MYO18A: variants seen among roughly 807,000 people sequenced by gnomAD.
The protein encoded by MYO18A is unconventional myosin-XVIIIa.
A neutral mutation model predicts 235.8 loss-of-function variants in MYO18A; 78 were observed. That is an observed-to-expected ratio of 0.33 (90% CI 0.28 to 0.40). MYO18A has a LOEUF of 0.40. Ranked by LOEUF, MYO18A falls within the 10% of genes least tolerant of loss-of-function variation. The pLI is 1.00. For missense variants in MYO18A, 2,215 were observed against 2,699.3 expected (o/e 0.82, Z 3.98); for synonymous variants, 977 against 1,077.8 (o/e 0.91, Z 1.83).
intron 2 of MYO18A, among the ~76,000 whole-genome samples, chr17:29,160,405 C>G (rs2068147416): frequency 6.6e-6 from 1 of 152,180 alleles, no homozygotes; most frequent in South Asian, 2.1e-4. Flanking sequence ...CCCCCCACTT[C>G]CCCCAGGCAG....
At chr17:29,090,682 G>A in intron 35 of MYO18A, 67 bp from the exon 36 acceptor site, 1 of 1,559,708 alleles carries the variant, frequency 6.4e-7, no homozygotes, top group South Asian at 1.1e-5. Context: ...CAGCCCAGCT[G>A]GAACACCAGG....
chr17:29,091,080 G>A (rs2066387576), intron 34 of MYO18A, 154 bp from the exon 35 acceptor site: 3 of 627,550 alleles, frequency 4.8e-6, no homozygotes, highest in African/African-American at 3.7e-5. Flanking sequence ...TCAAGGAGCT[G>A]CCTGTCCCGC....
At chr17:29,122,016 G>A in intron 3 of MYO18A, 59 bp from the exon 4 acceptor site, 2 of 1,569,984 alleles carry the variant, frequency 1.3e-6, no homozygotes, top group South Asian at 2.2e-5. Flanking sequence ...ACTCCACTTG[G>A]GAACTTCTCG....
intron 1 of MYO18A, among the ~76,000 whole-genome samples, chr17:29,173,292 A>G (rs562926400): frequency 1.3e-4 from 20 of 151,212 alleles, no homozygotes; most frequent in African/African-American, 4.6e-4. Context: ...GGGTTTCTCC[A>G]TGTTGGTCAG....
chr17:29,093,196 G>A (rs930038539), intron 32 of MYO18A, 127 bp downstream of exon 32: 10 of 1,084,138 alleles, frequency 9.2e-6, no homozygotes, highest in Admixed American at 2.1e-5. Flanking sequence ...AAGGGATGAC[G>A]ATGGGCTCTT....
chr17:29,170,617 G>A (rs1328476826), intron 1 of MYO18A, among the ~76,000 whole-genome samples: 2 of 151,974 alleles, frequency 1.3e-5, no homozygotes, highest in African/African-American at 2.4e-5. Flanking sequence ...CCTTTTCTGC[G>A]TTTCTCTCCT....
rs569563314 is a variant in MYO18A at position 29,106,554 on chromosome 17, T to C, written c.3441+526A>G. On this transcript the variant is annotated intron_variant, in intron 20 of 41. Coordinates refer to ENST00000527372, the MANE Select transcript of MYO18A (RefSeq NM_078471.4). This position sits in a 1 kb window ranked among gnomAD's most constrained non-coding sequence, Gnocchi z 4.6. The stretch of plus-strand genomic sequence containing the variant: ...GGAGCCCTGTGACTGTCTAAGGGGC[T>C]GCCTCTGGGGCTCAAGGTGATAGCC... Among the ~76,000 whole-genome samples the C allele has an allele frequency of 6.6e-6, 1 of 152,328 alleles. No individual in the cohort carries two copies. Among genetic ancestry groups the C allele is most frequent in the Non-Finnish European group, 1.5e-5 (1 of 68,014 alleles).
intron 2 of MYO18A, chr17:29,128,359 C>T: frequency 7.8e-7 from 1 of 1,282,444 alleles, no homozygotes; most frequent in Non-Finnish European, 1.0e-6. Flanking sequence ...CTGCATTTGC[C>T]ACCCGCTTCC....
In MYO18A at chr17:29,115,795, G is replaced by C; in HGVS notation, c.2096C>G (p.Ala699Gly). 6.3e-7 allele frequency: 1 copy of C among 1,590,892 alleles called. No individual in the cohort carries two copies. ...FARHEWAQKA[A>G]YLLGCSLEEL... ...CTCCAGGCTGCAGCCCAGTAGGTAC[G>C]CAGCCTTCTGGGCCCACTCATGGCG... The change falls in exon 12 of 42, where the codon GCG (alanine) becomes GGG (glycine). Residue 699 changes from alanine to glycine, a missense_variant. Ala to Gly is a moderately conservative substitution (Grantham distance 60, BLOSUM62 0). Coordinates refer to ENST00000527372, the MANE Select transcript of MYO18A (RefSeq NM_078471.4).
chr17:29,131,505 CAGGG>C (rs1425229471), intron 2 of MYO18A: 3 of 877,530 alleles, frequency 3.4e-6, no homozygotes, highest in East Asian at 1.2e-4. Context: ...ACTAAAAGCA[CAGGG>C]AGAGAACATT....
chr17:29,120,174 C>T lies in MYO18A; in HGVS notation c.1728+442G>A, dbSNP rs2067163503. 6.6e-6 allele frequency among the ~76,000 whole-genome samples: 1 copy of T among 152,230 alleles called. No individual in the cohort carries two copies. The highest frequency in any genetic ancestry group is 2.4e-5 in the African/African-American group (1 of 41,456). On this transcript the variant is annotated intron_variant, in intron 7 of 41. Transcript: ENST00000527372. This position sits in a 1 kb window ranked among gnomAD's most constrained non-coding sequence, Gnocchi z 4.2. Reference sequence around the variant, plus strand: ...CTCCCAAAGGGGCCCTGCTGCTCTGCCCAGACCCCAGGTGCCTGCCTTCTG... The same window carrying T: ...CTCCCAAAGGGGCCCTGCTGCTCTGTCCAGACCCCAGGTGCCTGCCTTCTG...
chr17:29,082,466 A>G (rs2152724297), intron 40 of MYO18A, 28 bp from the exon 41 acceptor site: 1 of 1,607,698 alleles, frequency 6.2e-7, no homozygotes, highest in Non-Finnish European at 8.5e-7. Flanking sequence ...AGAAAGGTAG[A>G]CAAGGCATAG....
chr17:29,124,793 C>G (rs1298120913), intron 2 of MYO18A: 1 of 959,464 alleles, frequency 1.0e-6, no homozygotes, highest in African/African-American at 1.7e-5. Context: ...GGCCGGCACT[C>G]TCTAGTTGTC....
chr17:29,175,778 G>A (rs574197973), intron 1 of MYO18A, among the ~76,000 whole-genome samples: 42 of 152,224 alleles, frequency 2.8e-4, no homozygotes, highest in African/African-American at 9.4e-4. Flanking sequence ...AAAGCAGTCT[G>A]GCCAGGCGCA....
rs201454877 is a variant in MYO18A, at chr17:29,115,060, C to T, written c.2358G>A (p.Met786Ile). The change falls in exon 14 of 42, where the codon ATG (methionine) becomes ATA (isoleucine). Residue 786 changes from methionine (M) to isoleucine (I), a missense_variant. Coordinates refer to ENST00000527372, the MANE Select transcript of MYO18A (RefSeq NM_078471.4). ...TCTGGAAGCCCGGGGTGTCGACAAT[C>T]ATCATGGAGCAGAGTGAGTGCTGGC... ...KSSQHSLCSM[M>I]IVDTPGFQNP... The T allele has an allele frequency of 6.2e-7, 1 of 1,613,824 alleles. No homozygotes were observed.
At chr17:29,096,281 C>T (rs1414971158) in intron 28 of MYO18A, among the ~76,000 whole-genome samples, 2 of 152,172 alleles carry the variant, frequency 1.3e-5, no homozygotes, top group African/African-American at 4.8e-5. Context: ...TTCCCAGCCC[C>T]GGAAATTAAT....
chr17:29,098,203 G>A lies in MYO18A; in HGVS notation c.3892C>T (p.Leu1298=). The A allele has an allele frequency of 6.2e-7, 1 of 1,613,972 alleles. No homozygotes were observed. The highest frequency in any genetic ancestry group is 8.5e-7 in the Non-Finnish European group (1 of 1,179,872). Residue 1298 remains leucine, a synonymous_variant, in exon 25 of 42, where the codon CTG becomes TTG. Coordinates refer to ENST00000527372, the MANE Select transcript of MYO18A (RefSeq NM_078471.4). ...ESRISELTSE[L]TDERNTGESA... ...TCTCCTGTGTTACGCTCATCTGTCA[G>A]CTCCGATGTCAGCTCTGAGATCTGG...
intron 38 of MYO18A, 165 bp from the exon 39 acceptor site, chr17:29,086,742 A>G: frequency 8.6e-7 from 1 of 1,168,710 alleles, no homozygotes; most frequent in Non-Finnish European, 1.2e-6. Flanking sequence ...GTGGGGTCCA[A>G]GCCTCATCTG....
At chr17:29,119,273 C>G in intron 8 of MYO18A, 62 bp downstream of exon 8, 1 of 1,316,276 alleles carries the variant, frequency 7.6e-7, no homozygotes, top group Non-Finnish European at 1.1e-6. Context: ...AATCAAGGTC[C>G]AGGAGCCCAG....
Sources: allele counts gnomAD v4.1 joint callset (sites outside exome capture counted in the v4.1 genomes callset), GRCh38; gene constraint gnomAD v4.1.1; non-coding constraint Gnocchi (gnomAD v3.1); transcripts MANE v1.5; gene names NCBI Gene and HGNC (gene_info 2026-07-23, HGNC 2026-07-21).